NKTR: variants seen among roughly 807,000 people sequenced by gnomAD.
The protein encoded by NKTR is NK-tumor recognition protein.
NKTR carries 67 observed loss-of-function variants against 156.3 expected under a neutral mutation model. The ratio of observed to expected loss-of-function variants is 0.43; its 90% CI spans 0.35 to 0.53. The LOEUF is 0.53. NKTR is among the 20% of genes least tolerant of loss of function. NKTR has a pLI of 0.01. For synonymous variants in NKTR, 640 were observed against 596.6 expected, an observed-to-expected ratio of 1.07 and a Z score of -1.06; for missense variants, 1,604 against 1,730.9, an observed-to-expected ratio of 0.93 and a Z score of 1.30.
rs971287311 is a variant in NKTR at position 42,647,180 on chromosome 3, G to A, written c.*1205G>A. 1 of 151,666 alleles carries A rather than the reference G, an allele frequency of 6.6e-6. No individual in the cohort carries two copies. Among genetic ancestry groups the A allele is most frequent in the Non-Finnish European group, 1.5e-5 (1 of 68,014 alleles). The allele number at this position is 151,666 out of a possible 1,614,324, so 9.4% of individuals were successfully genotyped here. ...GACCTGACCCAGGTGCAAGAGACAG[G>A]GGAAGAGGGATAGAGGGTATAGCAT... On this transcript the variant is annotated 3_prime_UTR_variant, in exon 17 of 17. Transcript: ENST00000232978.
At chr3:42,609,307 A>G (rs1397814824) in intron 2 of NKTR, among the ~76,000 whole-genome samples, 1 of 152,204 alleles carries the variant, frequency 6.6e-6, no homozygotes, top group Non-Finnish European at 1.5e-5. Flanking sequence ...TATGGAGTAG[A>G]TGATAATCAC....
intron 6 of NKTR, among the ~76,000 whole-genome samples, chr3:42,624,421 T>A (rs1708188472): frequency 1.3e-5 from 2 of 152,114 alleles, no homozygotes; most frequent in Non-Finnish European, 2.9e-5. Flanking sequence ...TAATTTGGTA[T>A]TTATTTTGTC....
At position 42,637,528 on chromosome 3, in the gene NKTR, A is replaced by G; in HGVS notation, c.1824A>G (p.Ile608Met). The change falls in exon 13 of 17, where the codon ATA becomes ATG. Residue 608 changes from isoleucine to methionine, a missense_variant. Physicochemically the swap from Ile to Met is conservative, Grantham distance 10. Coordinates refer to ENST00000232978, the MANE Select transcript of NKTR (RefSeq NM_005385.4). ...TTGTAGCAGAAAATATTCCTGTAAT[A>G]CCACTGAGTGACAGTCCCCCCCCTT... ...QPVVAENIPV[I>M]PLSDSPPPSR... 7.4e-6 allele frequency: 12 copies of G among 1,614,108 alleles called. No individual in the cohort carries two copies. Among genetic ancestry groups the G allele is most frequent in the Non-Finnish European group, 1.0e-5 (12 of 1,180,012 alleles).
chr3:42,648,058 C>T lies in NKTR; in HGVS notation c.*2083C>T, dbSNP rs1412396814. 6.6e-6 allele frequency: 1 copy of T among 152,220 alleles called. No individual in the cohort carries two copies. Among genetic ancestry groups the T allele is most frequent in the Non-Finnish European group, 1.5e-5 (1 of 68,044 alleles). The allele number at this position is 152,220 out of a possible 1,614,324, so 9.4% of individuals were successfully genotyped here. A position where few individuals can be genotyped will look rare whatever the true frequency, so the allele number is the denominator to read the frequency against. On this transcript the variant is annotated 3_prime_UTR_variant, in exon 17 of 17. Coordinates refer to ENST00000232978, the MANE Select transcript of NKTR (RefSeq NM_005385.4). ...TCTCAGCTGGAGGCCCCTCTCTCAC[C>T]TCAAGGCTGCCTGCATTCCTTCTTA...
intron 6 of NKTR, among the ~76,000 whole-genome samples, chr3:42,626,860 C>G (rs1046339855): frequency 3.3e-5 from 5 of 152,066 alleles, no homozygotes; most frequent in South Asian, 2.1e-4. Flanking sequence ...GCAAGATACA[C>G]TATTCTCTTT....
At chr3:42,640,460 G>C (rs1265445202) in intron 13 of NKTR, among the ~76,000 whole-genome samples, 2 of 152,040 alleles carry the variant, frequency 1.3e-5, no homozygotes, top group African/African-American at 2.4e-5. Context: ...ATATTTTATG[G>C]TTTTACCTGT....
chr3:42,626,465 T>C (rs1056266942), intron 6 of NKTR, among the ~76,000 whole-genome samples: 2 of 152,124 alleles, frequency 1.3e-5, no homozygotes, highest in South Asian at 4.1e-4. Flanking sequence ...AAAGAAGATA[T>C]TGTGGCTAAG....
chr3:42,631,095 T>A, intron 7 of NKTR, 76 bp from the exon 8 acceptor site: 1 of 1,560,416 alleles, frequency 6.4e-7, no homozygotes, highest in Non-Finnish European at 8.7e-7. Context: ...ATGTCATTGA[T>A]TACAGTTAAT....
At chr3:42,607,908 G>A (rs566682633) in intron 2 of NKTR, among the ~76,000 whole-genome samples, 2 of 135,328 alleles carry the variant, frequency 1.5e-5, no homozygotes, top group South Asian at 5.0e-4. Flanking sequence ...CAAGTTAAGA[G>A]AAATCAGTTC....
In NKTR at chr3:42,639,609, C is replaced by A. The variant is rs773037322; in HGVS notation, c.3905C>A (p.Thr1302Lys). ...RNQESSSDEQ[T>K]PSRDDDSQSR... ...CAGGAGAGTTCAAGTGATGAGCAGA[C>A]GCCTAGTCGGGATGATGATAGCCAG... is the stretch of plus-strand genomic sequence containing the variant. Residue 1302 changes from threonine (T) to lysine (K), a missense_variant, in exon 13 of 17, where the codon ACG (threonine) becomes AAG (lysine). Thr to Lys is a moderately conservative substitution (Grantham distance 78). This residue lies in a region of NKTR where 193 missense variants were observed against 220.2 expected (regional missense o/e 0.88). Transcript: ENST00000232978. The A allele has an allele frequency of 6.2e-7, 1 of 1,614,204 alleles. No homozygotes were observed. The highest frequency in any genetic ancestry group is 8.5e-7 in the Non-Finnish European group (1 of 1,180,028).
intron 13 of NKTR, among the ~76,000 whole-genome samples, chr3:42,640,683 G>T (rs1218339228): frequency 6.6e-6 from 1 of 152,084 alleles, no homozygotes; most frequent in Non-Finnish European, 1.5e-5. Flanking sequence ...TGCCTTCTGT[G>T]CCTTCCCCTC....
chr3:42,632,617 G>C lies in NKTR; in HGVS notation c.567G>C (p.Arg189Ser). 6.2e-7 allele frequency: 1 copy of C among 1,602,910 alleles called. No homozygotes were observed. The highest frequency in any genetic ancestry group is 1.1e-5 in the South Asian group (1 of 87,814). ...TCTTAAAAGTTTTTGAGAAAAAAAG[G>C]AAGAAACCAACTCATTCAGAAGGCT... ...KSIKDVFEKK[R>S]KKPTHSEGSD... The change falls in exon 9 of 17, where the codon AGG (arginine) becomes AGC (serine). Residue 189 changes from arginine to serine, a missense_variant. Physicochemically the swap from Arg to Ser is moderately radical, Grantham distance 110. Coordinates refer to ENST00000232978, the MANE Select transcript of NKTR (RefSeq NM_005385.4).
intron 6 of NKTR, chr3:42,628,856 G>A (rs59914338): frequency 0.15 from 40,274 of 273,570 alleles, 3,634 homozygotes; most frequent in African/African-American, 0.28. Context: ...ACAGAAATTA[G>A]ATGGGCCTGG....
intron 2 of NKTR, among the ~76,000 whole-genome samples, chr3:42,615,279 A>G (rs902281045): frequency 3.3e-5 from 5 of 151,584 alleles, no homozygotes; most frequent in Admixed American, 6.6e-5. Flanking sequence ...GGGTTTCATC[A>G]TGTTGGCCAG....
At position 42,621,611 on chromosome 3, in the gene NKTR, T is replaced by C. The variant is rs1707908781; in HGVS notation, c.374+95T>C. 4.8e-6 allele frequency: 6 copies of C among 1,249,302 alleles called. No homozygotes were observed. In the East Asian group the frequency reaches 1.6e-4, roughly 33 times the overall value. The allele number at this position is 1,249,302 out of a possible 1,614,324, so 77.4% of individuals were successfully genotyped here. On this transcript the variant is annotated intron_variant, in intron 6 of 16. Coordinates refer to ENST00000232978, the MANE Select transcript of NKTR (RefSeq NM_005385.4). ...AGTTAAACCAAGTTTAATGCTAAAA[T>C]TCTGTCAGCTTTATTTTTATTATTA...
At chr3:42,631,461 C>A in intron 8 of NKTR, 145 bp downstream of exon 8, 1 of 927,436 alleles carries the variant, frequency 1.1e-6, no homozygotes, top group Non-Finnish European at 1.6e-6. Flanking sequence ...AATCTTTTAG[C>A]ATATCTTGTC....
chr3:42,620,241 A>G (rs1177328727), intron 5 of NKTR: 1 of 1,266,086 alleles, frequency 7.9e-7, no homozygotes, highest in Non-Finnish European at 9.9e-7. Context: ...CACATCAGAG[A>G]AAAGAGTCTA....
chr3:42,644,979 T>C (rs892502674), intron 16 of NKTR, among the ~76,000 whole-genome samples: 2 of 83,852 alleles, frequency 2.4e-5, no homozygotes, highest in Non-Finnish European at 4.6e-5. Context: ...TTTGTGTCTT[T>C]GTGTGTGTGT....
At chr3:42,619,255 G>T in intron 4 of NKTR, 128 bp downstream of exon 4, 1 of 1,483,656 alleles carries the variant, frequency 6.7e-7, no homozygotes, top group Non-Finnish European at 8.9e-7. Context: ...AATACTTGTT[G>T]GATGAGTGAA....
Sources: gnomAD v4.1 joint callset for allele counts (sites outside exome capture counted in the v4.1 genomes callset) on GRCh38, gnomAD v4.1.1 for gene constraint, gnomAD v4.1.1 regional missense constraint, MANE v1.5 for transcripts, NCBI Gene and HGNC (gene_info 2026-07-23, HGNC 2026-07-21) for gene names.